PRKCA: variants seen among roughly 807,000 people sequenced by gnomAD.
PRKCA encodes protein kinase C alpha type.
Under a neutral mutation model 87.0 loss-of-function variants are expected in PRKCA, and 27 were observed. That is an observed-to-expected ratio of 0.31 (90% confidence interval 0.23 to 0.43). The LOEUF (loss-of-function observed/expected upper bound fraction) is 0.43, where lower values mean the gene tolerates loss of function less well. Ranked by LOEUF, PRKCA falls within the 20% of genes least tolerant of loss-of-function variation. The pLI, the probability that PRKCA is intolerant of heterozygous loss-of-function variation, is 1.00. For synonymous variants in PRKCA, 329 were observed against 311.1 expected, an observed-to-expected ratio of 1.06 and a Z score of -0.61; for missense variants, 518 against 852.3, an observed-to-expected ratio of 0.61 and a Z score of 4.88.
intron 2 of PRKCA, among the ~76,000 whole-genome samples, chr17:66,333,593 C>G (rs1165265642): frequency 6.6e-6 from 1 of 152,120 alleles, no homozygotes; most frequent in African/African-American, 2.4e-5. Context: ...GGGAGAGAAC[C>G]TCTTATTCCC....
chr17:66,437,112 A>G (rs1035931771), intron 2 of PRKCA, among the ~76,000 whole-genome samples: 1 of 152,204 alleles, frequency 6.6e-6, no homozygotes, highest in African/African-American at 2.4e-5. Context: ...GAACTAATAG[A>G]GGGCAAGAAA....
At chr17:66,637,204 G>A (rs919931610) in intron 3 of PRKCA, among the ~76,000 whole-genome samples, 1 of 152,106 alleles carries the variant, frequency 6.6e-6, no homozygotes, top group Non-Finnish European at 1.5e-5. Context: ...AGATCTATGT[G>A]ACAACCAACT....
chr17:66,384,380 A>T (rs576891665), intron 2 of PRKCA, among the ~76,000 whole-genome samples: 5 of 152,142 alleles, frequency 3.3e-5, no homozygotes, highest in Non-Finnish European at 7.3e-5. Context: ...GGCTTTGGAA[A>T]CTCATTAAAA....
At chr17:66,779,711 C>T (rs546031620) in intron 14 of PRKCA, among the ~76,000 whole-genome samples, 1 of 152,216 alleles carries the variant, frequency 6.6e-6, no homozygotes, top group African/African-American at 2.4e-5. Flanking sequence ...GTGTTGGTTT[C>T]CACAAATCAC....
At chr17:66,365,352 T>G (rs927755437) in intron 2 of PRKCA, among the ~76,000 whole-genome samples, 3 of 152,122 alleles carry the variant, frequency 2.0e-5, no homozygotes, top group African/African-American at 7.2e-5. Flanking sequence ...CTTGCTGGCT[T>G]CCTGCAGCTT....
At chr17:66,781,999 T>C (rs9914065) in intron 14 of PRKCA, among the ~76,000 whole-genome samples, 11,702 of 151,604 alleles carry the variant, frequency 0.077, 608 homozygotes, top group East Asian at 0.22. Context: ...CCGCAACCTC[T>C]GCCTCCCGGG....
intron 2 of PRKCA, among the ~76,000 whole-genome samples, chr17:66,427,494 T>C (rs1239380426): frequency 1.3e-5 from 2 of 152,232 alleles, no homozygotes; most frequent in Non-Finnish European, 2.9e-5. Flanking sequence ...AGAAAAAGTT[T>C]GTTCACTTCT....
intron 2 of PRKCA, among the ~76,000 whole-genome samples, chr17:66,397,816 G>A (rs529539833): frequency 2.6e-5 from 4 of 152,130 alleles, no homozygotes; most frequent in African/African-American, 9.7e-5. Flanking sequence ...GCTGATGCCT[G>A]CATCCTGATG....
At chr17:66,742,843 G>A (rs1440932569) in intron 13 of PRKCA, 83 bp downstream of exon 13, 9 of 1,462,236 alleles carry the variant, frequency 6.2e-6, no homozygotes, top group Admixed American at 2.0e-5. Flanking sequence ...GGTCACTGGC[G>A]AATCATGAAG....
intron 5 of PRKCA, among the ~76,000 whole-genome samples, chr17:66,671,595 C>T (rs139819200): frequency 6.6e-6 from 1 of 150,866 alleles, no homozygotes; most frequent in Non-Finnish European, 1.5e-5. Context: ...TAAAGTTCAG[C>T]GATATCCTAT....
At chr17:66,797,972 G>A (rs1027890839) in intron 16 of PRKCA, among the ~76,000 whole-genome samples, 2 of 152,226 alleles carry the variant, frequency 1.3e-5, no homozygotes, top group African/African-American at 4.8e-5. Flanking sequence ...GTGCTGTTGG[G>A]TGGCCTACAG....
intron 13 of PRKCA, among the ~76,000 whole-genome samples, chr17:66,771,047 A>G (rs1296582629): frequency 6.9e-6 from 1 of 145,926 alleles, no homozygotes; most frequent in Non-Finnish European, 1.5e-5. Context: ...TCTGTCGCCC[A>G]GGCTGGAGTG....
chr17:66,588,445 G>A (rs980777955), intron 3 of PRKCA, among the ~76,000 whole-genome samples: 1 of 151,802 alleles, frequency 6.6e-6, no homozygotes, highest in Non-Finnish European at 1.5e-5. Flanking sequence ...AAAATATTTT[G>A]ATGAAAGAAA....
rs1042160830 is a variant in PRKCA, at chr17:66,738,931, G to A, written c.1322+76G>A. 1.9e-5 allele frequency: 21 copies of A among 1,128,032 alleles called. 1 individual carries two copies. The highest frequency in any genetic ancestry group is 4.0e-5 in the Admixed American group (2 of 50,252). 69.9% of individuals were successfully genotyped at this position (1,128,032 alleles called of 1,614,324 possible). A position where few individuals can be genotyped will look rare whatever the true frequency, so the allele number is the denominator to read the frequency against. On this transcript the variant is annotated intron_variant, in intron 11 of 16. Transcript: ENST00000413366. ...CTGGAAACTTCCTTTTTTCCCCCCC[G>A]CTTGAGATTGGGGGTCTCACTCTGT...
chr17:66,704,538 A>C (rs1598885451), intron 8 of PRKCA, among the ~76,000 whole-genome samples: 1 of 152,346 alleles, frequency 6.6e-6, no homozygotes, highest in Admixed American at 6.5e-5. Flanking sequence ...CATGCAGAGA[A>C]ATATGTGTGT....
chr17:66,401,472 C>A (rs953014267), intron 2 of PRKCA, among the ~76,000 whole-genome samples: 2 of 152,152 alleles, frequency 1.3e-5, no homozygotes, highest in African/African-American at 4.8e-5. Context: ...AAGAAGTTGG[C>A]TGGATGTATG....
At chr17:66,774,552 C>T (rs2144338114) in intron 14 of PRKCA, 1 of 842,534 alleles carries the variant, frequency 1.2e-6, no homozygotes, top group Non-Finnish European at 1.4e-6. Flanking sequence ...GCCTGAGAGG[C>T]GGAGGCTGCA....
At position 66,788,864 on chromosome 17, in the gene PRKCA, G is replaced by A. The variant is rs1975463365; in HGVS notation, c.1739G>A (p.Arg580Gln). 2 of 1,613,772 alleles carry A rather than the reference G, an allele frequency of 1.2e-6. No individual in the cohort carries two copies. Among genetic ancestry groups the A allele is most frequent in the Non-Finnish European group, 1.7e-6 (2 of 1,179,922 alleles). Reference sequence around the variant, plus strand: ...CTGATGACCAAACACCCAGCCAAGCGGCTGGGCTGTGGGCCTGAGGGGGAG... The same window carrying A: ...CTGATGACCAAACACCCAGCCAAGCAGCTGGGCTGTGGGCCTGAGGGGGAG... ...KGLMTKHPAK[R>Q]LGCGPEGERD... Residue 580 changes from arginine (R) to glutamine (Q), a missense_variant, in exon 16 of 17, where the codon CGG becomes CAG. Physicochemically the swap from Arg to Gln is conservative, Grantham distance 43 (BLOSUM62 1). Around this residue, in one of 5 missense-constraint regions of PRKCA, gnomAD observed 159 missense variants for 232.4 expected, o/e 0.68. Coordinates refer to ENST00000413366, the MANE Select transcript of PRKCA (RefSeq NM_002737.3).
At chr17:66,449,152 G>A (rs1914186326) in intron 2 of PRKCA, among the ~76,000 whole-genome samples, 1 of 151,948 alleles carries the variant, frequency 6.6e-6, no homozygotes, top group African/African-American at 2.4e-5. Context: ...AGCTGGGTGT[G>A]GTGGCATGTG....
Sources: allele counts gnomAD v4.1 joint callset (sites outside exome capture counted in the v4.1 genomes callset), GRCh38; gene constraint gnomAD v4.1.1; regional missense constraint gnomAD v4.1.1; transcripts MANE v1.5; gene names NCBI Gene and HGNC (gene_info 2026-07-23, HGNC 2026-07-21).